CHRM2: variants seen among roughly 807,000 people sequenced by gnomAD.
CHRM2 encodes the protein muscarinic acetylcholine receptor M2.
CHRM2 carries 8 observed loss-of-function variants against 25.0 expected under a neutral mutation model. That is an observed-to-expected ratio of 0.32 (90% confidence interval 0.19 to 0.58). The LOEUF is 0.58. CHRM2 is among the 20% of genes least tolerant of loss of function. CHRM2 has a pLI of 0.88. For missense variants in CHRM2, 440 were observed against 567.1 expected (o/e 0.78, Z 2.28); for synonymous variants, 202 against 205.7 (o/e 0.98, Z 0.15).
At chr7:136,894,107 A>T (rs1796797141) in intron 2 of CHRM2, among the ~76,000 whole-genome samples, 2 of 152,122 alleles carry the variant, frequency 1.3e-5, no homozygotes, top group Non-Finnish European at 1.5e-5. Context: ...CTTGGAGGTG[A>T]CATCACTGCA....
intron 2 of CHRM2, among the ~76,000 whole-genome samples, chr7:136,910,302 A>T (rs2130679073): frequency 6.6e-6 from 1 of 152,062 alleles, no homozygotes; most frequent in East Asian, 1.9e-4. Flanking sequence ...TACAGTACAC[A>T]TATTAATTCT....
chr7:136,999,225 G>C (rs993624543), intron 3 of CHRM2, among the ~76,000 whole-genome samples: 17 of 152,066 alleles, frequency 1.1e-4, no homozygotes, highest in Middle Eastern at 3.4e-3. Flanking sequence ...ATGTACCATC[G>C]GGGAGGGGAA....
rs776670144 is a variant in CHRM2, at chr7:137,016,119, C to T, written c.1254C>T (p.Pro418=). 2.5e-6 allele frequency: 4 copies of T among 1,612,716 alleles called. No homozygotes were observed. Among genetic ancestry groups the T allele is most frequent in the Non-Finnish European group, 3.4e-6 (4 of 1,179,148 alleles). The change falls in exon 4 of 4, where the codon CCC becomes CCT. Residue 418 remains proline, a synonymous_variant. Coordinates refer to ENST00000680005, the MANE Select transcript of CHRM2 (RefSeq NM_001006630.2). ...ACACCTTTTGTGCACCTTGCATCCC[C>T]AACACTGTGTGGACAATTGGTTACT... The part of the protein sequence containing the change: ...LINTFCAPCI[P]NTVWTIGYWL...
At chr7:136,992,065 CT>C (rs1803267603) in intron 2 of CHRM2, 121 bp from the exon 3 acceptor site, 1 of 152,146 alleles carries the variant, frequency 6.6e-6, no homozygotes, top group Non-Finnish European at 1.5e-5. Context: ...TCACAACAGA[CT>C]TTTCTCTCAA....
chr7:136,933,045 AATAC>A (rs1016238930), intron 2 of CHRM2, among the ~76,000 whole-genome samples: 25 of 113,026 alleles, frequency 2.2e-4, no homozygotes, highest in African/African-American at 5.8e-4. Flanking sequence ...TAAATAAATA[AATAC>A]ATAAATAAAT....
Position 137,014,946 on chromosome 7 carries a change from C to T in CHRM2, c.81C>T (p.Val27=). 2 of 1,613,252 alleles carry T rather than the reference C, an allele frequency of 1.2e-6. No homozygotes were observed. The highest frequency in any genetic ancestry group is 8.5e-7 in the Non-Finnish European group (1 of 1,179,552). ...PYKTFEVVFI[V]LVAGSLSLVT... ...AGACATTTGAAGTGGTGTTTATTGT[C>T]CTGGTGGCTGGATCCCTCAGTTTGG... The change falls in exon 4 of 4, where the codon GTC becomes GTT. Residue 27 remains valine (V), a synonymous_variant. Coordinates refer to ENST00000680005, the MANE Select transcript of CHRM2 (RefSeq NM_001006630.2).
At chr7:136,917,733 A>G (rs879266946) in intron 2 of CHRM2, among the ~76,000 whole-genome samples, 7 of 152,124 alleles carry the variant, frequency 4.6e-5, no homozygotes, top group South Asian at 2.1e-4. Flanking sequence ...ATGATACAGG[A>G]TTTTTTAAAA....
intron 3 of CHRM2, among the ~76,000 whole-genome samples, chr7:137,008,922 T>C (rs1804626399): frequency 6.6e-6 from 1 of 152,044 alleles, no homozygotes; most frequent in Non-Finnish European, 1.5e-5. Flanking sequence ...ATTGTGGAAA[T>C]GACATGGTCC....
chr7:136,900,095 G>A (rs1797113614), intron 2 of CHRM2, among the ~76,000 whole-genome samples: 1 of 151,968 alleles, frequency 6.6e-6, no homozygotes, highest in Non-Finnish European at 1.5e-5. Flanking sequence ...GTGAGCCATG[G>A]TTTTGTTTGC....
intron 2 of CHRM2, among the ~76,000 whole-genome samples, chr7:136,892,956 C>T (rs1796752006): frequency 6.6e-6 from 1 of 152,182 alleles, no homozygotes; most frequent in South Asian, 2.1e-4. Flanking sequence ...TCCAGCCCTA[C>T]TAAAGTTCTT....
intron 2 of CHRM2, chr7:136,902,204 G>A (rs79757396): frequency 2.8e-5 from 4 of 141,618 alleles, no homozygotes; most frequent in Non-Finnish European, 3.1e-5. Flanking sequence ...TCTATCTATC[G>A]ATCTATCTAT....
chr7:136,969,742 TC>T (rs1173696633), intron 2 of CHRM2, among the ~76,000 whole-genome samples: 1 of 152,174 alleles, frequency 6.6e-6, no homozygotes, highest in African/African-American at 2.4e-5. Context: ...GGCATATTAG[TC>T]TGCCAAAAAT....
intron 2 of CHRM2, chr7:136,903,335 G>A: frequency 2.2e-6 from 1 of 446,274 alleles, no homozygotes; most frequent in Non-Finnish European, 4.5e-6. Flanking sequence ...CTTCTATAGT[G>A]TATGTGCAAA....
chr7:136,889,339 G>C (rs1051861261), intron 2 of CHRM2, among the ~76,000 whole-genome samples: 1 of 152,126 alleles, frequency 6.6e-6, no homozygotes, highest in African/African-American at 2.4e-5. Flanking sequence ...CTTGAGCTAA[G>C]GAAGAGAACA....
chr7:136,970,935 T>C (rs1203479650), intron 2 of CHRM2, among the ~76,000 whole-genome samples: 1 of 152,212 alleles, frequency 6.6e-6, no homozygotes, highest in East Asian at 1.9e-4. Flanking sequence ...ATGTCCTTTT[T>C]AACTTTTCCA....
Position 137,016,402 on chromosome 7 carries a change from C to A in CHRM2, c.*136C>A, listed in dbSNP as rs1278437660. On this transcript the variant is annotated 3_prime_UTR_variant, in exon 4 of 4. Coordinates refer to ENST00000680005, the MANE Select transcript of CHRM2 (RefSeq NM_001006630.2). ...CAAAACGTGCAATTCAGGAGCCCAG[C>A]AGTGACACACTTATCACGCCTAGGC... The A allele has an allele frequency of 2.2e-6, 2 of 921,750 alleles. No homozygotes were observed. The highest frequency in any genetic ancestry group is 1.7e-5 in the African/African-American group (1 of 59,826). 57.1% of individuals were successfully genotyped at this position (921,750 alleles called of 1,614,324 possible).
intron 2 of CHRM2, among the ~76,000 whole-genome samples, chr7:136,934,999 A>G (rs1257599898): frequency 2.6e-5 from 4 of 152,190 alleles, no homozygotes; most frequent in Admixed American, 2.6e-4. Context: ...GACCTAAATA[A>G]ATGAAAATGA....
chr7:136,902,051 G>C (rs573221622), intron 2 of CHRM2: 6 of 152,084 alleles, frequency 3.9e-5, no homozygotes, highest in Non-Finnish European at 8.8e-5. Context: ...ATAAGTGAAG[G>C]GTTGTTTATA....
intron 3 of CHRM2, among the ~76,000 whole-genome samples, chr7:137,003,522 ACACACACACACACAC>A (rs1335642081): frequency 1.4e-5 from 1 of 70,084 alleles, no homozygotes; most frequent in Non-Finnish European, 2.8e-5. Flanking sequence ...ACACACACAC[ACACACACACACACAC>A]TAGTTAGGTG....
Sources: allele counts gnomAD v4.1 joint callset (sites outside exome capture counted in the v4.1 genomes callset), GRCh38; gene constraint gnomAD v4.1.1; transcripts MANE v1.5; gene names NCBI Gene and HGNC (gene_info 2026-07-23, HGNC 2026-07-21).